The following DLGAP2 variants were observed in gnomAD, a reference collection of about 807,000 sequenced individuals.
The protein encoded by DLGAP2 is disks large-associated protein 2.
Under a neutral mutation model 100.3 loss-of-function variants are expected in DLGAP2, and 26 were observed. The ratio of observed to expected loss-of-function variants is 0.26; its 90% CI spans 0.19 to 0.36. The LOEUF (loss-of-function observed/expected upper bound fraction) is 0.36, where lower values mean the gene tolerates loss of function less well. Ranked by LOEUF, DLGAP2 falls within the 10% of genes least tolerant of loss-of-function variation. The pLI is 1.00. For missense variants in DLGAP2, 1,858 were observed against 1,453.2 expected (o/e 1.28, Z -4.53); for synonymous variants, 886 against 630.1 (o/e 1.41, Z -6.08).
rs190404959 is a variant in DLGAP2, at chr8:1,513,050, C to G, written c.172+11619C>G. ...GGATGGAAGAGGCCACAGGCCAGCT[C>G]CAGGGAGGCTCAGTGGGATAAGCAT... On this transcript the variant is annotated intron_variant, in intron 4 of 14. Transcript: ENST00000637795. 2.0e-5 allele frequency among the ~76,000 whole-genome samples: 3 copies of G among 152,010 alleles called. No homozygotes were observed. The East Asian group carries it at 5.8e-4, about 30-fold the overall frequency.
intron 1 of DLGAP2, among the ~76,000 whole-genome samples, chr8:752,047 G>C (rs1820803921): frequency 2.0e-5 from 3 of 152,220 alleles, no homozygotes; most frequent in Admixed American, 2.0e-4. Context: ...CTCCCTCCAG[G>C]GCTCTGGTGT....
chr8:1,458,660 T>A (rs1798387387), intron 3 of DLGAP2, among the ~76,000 whole-genome samples: 1 of 152,228 alleles, frequency 6.6e-6, no homozygotes, highest in Admixed American at 6.5e-5. Context: ...CAGACCTGCG[T>A]GTGGCTTCAG....
intron 1 of DLGAP2, among the ~76,000 whole-genome samples, chr8:830,262 G>C (rs1796756524): frequency 6.6e-6 from 1 of 152,044 alleles, no homozygotes; most frequent in Admixed American, 6.6e-5. Flanking sequence ...AGGGTCAGTG[G>C]GGTATCCATC....
At chr8:1,194,819 A>G (rs905296516) in intron 2 of DLGAP2, among the ~76,000 whole-genome samples, 18 of 152,238 alleles carry the variant, frequency 1.2e-4, no homozygotes, top group African/African-American at 4.3e-4. Flanking sequence ...GCTTGAGGCC[A>G]CCACTGTGAC....
At chr8:1,456,144 T>C (rs1333313064) in intron 3 of DLGAP2, among the ~76,000 whole-genome samples, 1 of 152,182 alleles carries the variant, frequency 6.6e-6, no homozygotes, top group Non-Finnish European at 1.5e-5. Context: ...AGTGAGTTCA[T>C]GCCGGTTTTT....
At chr8:1,294,513 C>T (rs779151868) in intron 3 of DLGAP2, among the ~76,000 whole-genome samples, 5 of 152,188 alleles carry the variant, frequency 3.3e-5, no homozygotes, top group African/African-American at 4.8e-5. Flanking sequence ...AGGTGCATTT[C>T]TCTCCTGCGA....
At chr8:1,318,395 C>T (rs567017881) in intron 3 of DLGAP2, among the ~76,000 whole-genome samples, 2 of 151,470 alleles carry the variant, frequency 1.3e-5, no homozygotes, top group African/African-American at 2.4e-5. Context: ...CAGGGCTCCC[C>T]ACTGTCCATA....
intron 2 of DLGAP2, among the ~76,000 whole-genome samples, chr8:1,252,501 C>T (rs750261142): frequency 5.3e-5 from 8 of 152,298 alleles, no homozygotes; most frequent in South Asian, 2.1e-4. Context: ...GTCACAGTCA[C>T]GTCATCACCA....
intron 2 of DLGAP2, chr8:927,202 AAGAACGCTGTTTAT>A (rs1798835279): frequency 1.0e-6 from 1 of 985,334 alleles, no homozygotes; most frequent in Admixed American, 6.1e-5. Flanking sequence ...CTACAAAGGT[AAGAACGCTGTTTAT>A]AGAACATGAT....
intron 2 of DLGAP2, among the ~76,000 whole-genome samples, chr8:1,121,022 CT>C (rs1796031558): frequency 6.8e-6 from 1 of 146,780 alleles, no homozygotes; most frequent in Non-Finnish European, 1.5e-5. Context: ...TTTAGAACCC[CT>C]GGCCACGCAT....
At chr8:837,885 TG>T (rs2132711259) in intron 1 of DLGAP2, among the ~76,000 whole-genome samples, 5 of 125,420 alleles carry the variant, frequency 4.0e-5, no homozygotes, top group Admixed American at 7.7e-5. Flanking sequence ...CCCGGCTAGT[TG>T]TTTTTTGTTT....
intron 2 of DLGAP2, among the ~76,000 whole-genome samples, chr8:1,166,805 A>G (rs1797025739): frequency 2.0e-5 from 3 of 152,198 alleles, no homozygotes; most frequent in Non-Finnish European, 4.4e-5. Flanking sequence ...GGTCTCTGGT[A>G]AATGTAAGTA....
intron 1 of DLGAP2, among the ~76,000 whole-genome samples, chr8:877,800 C>T (rs537477436): frequency 6.6e-6 from 1 of 152,254 alleles, no homozygotes; most frequent in East Asian, 1.9e-4. Context: ...GGTTTGGCTC[C>T]TTTGGAAAGA....
intron 2 of DLGAP2, among the ~76,000 whole-genome samples, chr8:1,186,108 G>T (rs1797497666): frequency 6.6e-6 from 1 of 152,208 alleles, no homozygotes; most frequent in Admixed American, 6.5e-5. Context: ...CCACTCGGTG[G>T]CCTCGCCAAG....
intron 2 of DLGAP2, among the ~76,000 whole-genome samples, chr8:1,099,940 G>A (rs1365258050): frequency 6.6e-6 from 1 of 152,174 alleles, no homozygotes; most frequent in Admixed American, 6.5e-5. Context: ...CCAGGGTTTT[G>A]CTTCCCGAGA....
intron 2 of DLGAP2, among the ~76,000 whole-genome samples, chr8:1,238,489 T>C (rs1798714042): frequency 7.1e-6 from 1 of 140,830 alleles, no homozygotes; most frequent in African/African-American, 2.6e-5. Context: ...TGTCTGCTTC[T>C]CTCACATGGC....
intron 2 of DLGAP2, among the ~76,000 whole-genome samples, chr8:1,098,515 G>T (rs930263503): frequency 1.3e-5 from 2 of 152,102 alleles, no homozygotes; most frequent in African/African-American, 4.8e-5. Flanking sequence ...GCCAGTGTTT[G>T]TTGGGCTTCA....
intron 3 of DLGAP2, among the ~76,000 whole-genome samples, chr8:1,365,396 C>T (rs899393373): frequency 6.6e-6 from 1 of 152,172 alleles, no homozygotes; most frequent in Non-Finnish European, 1.5e-5. Flanking sequence ...TGCCTCTCCA[C>T]TGGCTCTCCT....
chr8:1,696,014 G>A (rs894111487), intron 13 of DLGAP2, among the ~76,000 whole-genome samples: 2 of 152,230 alleles, frequency 1.3e-5, no homozygotes, highest in Non-Finnish European at 2.9e-5. Flanking sequence ...GCAGCTGGGG[G>A]CCCCAGGTCC....
Sources: allele counts gnomAD v4.1 joint callset (sites outside exome capture counted in the v4.1 genomes callset), GRCh38; gene constraint gnomAD v4.1.1; transcripts MANE v1.5; gene names NCBI Gene and HGNC (gene_info 2026-07-23, HGNC 2026-07-21).